CACNA1D: variants seen among roughly 807,000 people sequenced by gnomAD.
CACNA1D encodes the protein calcium voltage-gated channel subunit alpha1 D, also known as voltage-dependent L-type calcium channel subunit alpha-1D.
In CACNA1D, 55 loss-of-function variants were observed where a neutral mutation model predicts 257.1. That is an observed-to-expected ratio of 0.21 (90% CI 0.17 to 0.27). The LOEUF is 0.27. CACNA1D is among the 10% of genes least tolerant of loss of function. The pLI, the probability that CACNA1D is intolerant of heterozygous loss-of-function variation, is 1.00. For synonymous variants in CACNA1D, 980 were observed against 1,014.9 expected, an observed-to-expected ratio of 0.97 and a Z score of 0.65; for missense variants, 1,876 against 2,784.0, an observed-to-expected ratio of 0.67 and a Z score of 7.34.
intron 3 of CACNA1D, among the ~76,000 whole-genome samples, chr3:53,528,353 T>C (rs1232170377): frequency 6.6e-6 from 1 of 152,248 alleles, no homozygotes; most frequent in Non-Finnish European, 1.5e-5. Flanking sequence ...AATTTGGTTC[T>C]GTTTCTAGGG....
intron 3 of CACNA1D, among the ~76,000 whole-genome samples, chr3:53,538,251 G>A (rs1191123475): frequency 4.8e-5 from 7 of 146,614 alleles, no homozygotes; most frequent in East Asian, 2.1e-4. Context: ...CAGTTCAAGC[G>A]TTTCTCGTGC....
chr3:53,774,725 T>C lies in CACNA1D; in HGVS notation c.4202+47T>C. 9.3e-7 allele frequency: 1 copy of C among 1,074,140 alleles called. No homozygotes were observed. The highest frequency in any genetic ancestry group is 1.5e-6 in the Non-Finnish European group (1 of 686,834). The allele number at this position is 1,074,140 out of a possible 1,614,324, so 66.5% of individuals were successfully genotyped here. ...GGTGCTCCTGGGCAGGGGGGTCCGCTAGGCGTGGGTCCAGAGGGACGGAGG... is the reference window on the plus strand; with the variant it reads ...GGTGCTCCTGGGCAGGGGGGTCCGCCAGGCGTGGGTCCAGAGGGACGGAGG... On this transcript the variant is annotated intron_variant, in intron 34 of 47. Coordinates refer to ENST00000350061, the MANE Select transcript of CACNA1D (RefSeq NM_001128840.3). This position sits in a 1 kb window ranked among gnomAD's most constrained non-coding sequence, Gnocchi z 4.3.
chr3:53,506,913 T>C (rs551102659), intron 3 of CACNA1D, among the ~76,000 whole-genome samples: 1 of 152,054 alleles, frequency 6.6e-6, no homozygotes, highest in Non-Finnish European at 1.5e-5. Flanking sequence ...ACCTTTCACA[T>C]AAAAATTGAT....
chr3:53,553,032 A>C (rs3774442), intron 3 of CACNA1D, among the ~76,000 whole-genome samples: 7,651 of 152,282 alleles, frequency 0.05, 470 homozygotes, highest in African/African-American at 0.15. Context: ...TTCAAAAATT[A>C]CTCATAGATA....
chr3:53,675,273 A>C (rs1353938800), intron 8 of CACNA1D, among the ~76,000 whole-genome samples: 1 of 152,232 alleles, frequency 6.6e-6, no homozygotes, highest in African/African-American at 2.4e-5. Context: ...TTCCACCTCA[A>C]CGTGAGAAGT....
chr3:53,754,156 C>G (rs929189894), intron 29 of CACNA1D, among the ~76,000 whole-genome samples: 2 of 152,210 alleles, frequency 1.3e-5, no homozygotes, highest in Admixed American at 6.5e-5. Context: ...AGTGCTGATA[C>G]CAGCTGCAGA....
intron 3 of CACNA1D, among the ~76,000 whole-genome samples, chr3:53,526,229 G>C (rs1379992133): frequency 6.6e-6 from 1 of 152,178 alleles, no homozygotes. Context: ...CCCTCGACCT[G>C]GGGAGGAGCC....
Position 53,495,792 on chromosome 3 carries a change from C to T in CACNA1D, c.67+559C>T, listed in dbSNP as rs916687528. On this transcript the variant is annotated intron_variant, in intron 1 of 47. Transcript: ENST00000350061. The surrounding 1 kb of genome is among the most constrained non-coding windows in gnomAD (Gnocchi z 5.1). ...GGTTCGGGTGGAGCGTGCGTTCCCG[C>T]TCCCGTCGCCGGCTGTGCACACGTC... 4.6e-5 allele frequency among the ~76,000 whole-genome samples: 7 copies of T among 152,250 alleles called. No homozygotes were observed. Among genetic ancestry groups the T allele is most frequent in the Non-Finnish European group, 1.0e-4 (7 of 68,050 alleles).
At chr3:53,689,036 T>C (rs2108507827) in intron 8 of CACNA1D, among the ~76,000 whole-genome samples, 1 of 151,852 alleles carries the variant, frequency 6.6e-6, no homozygotes, top group Middle Eastern at 3.4e-3. Flanking sequence ...TCTGTCCCCC[T>C]TTGGCTATCA....
intron 3 of CACNA1D, among the ~76,000 whole-genome samples, chr3:53,563,533 CAAA>C (rs34553768): frequency 1.6e-3 from 152 of 95,520 alleles, no homozygotes; most frequent in Middle Eastern, 5.6e-3. Context: ...GACTCTGTCT[CAAA>C]AAAAAAAAAA....
At chr3:53,561,831 G>T (rs1269539820) in intron 3 of CACNA1D, among the ~76,000 whole-genome samples, 1 of 152,132 alleles carries the variant, frequency 6.6e-6, no homozygotes, top group Non-Finnish European at 1.5e-5. Context: ...ATTTCTTAAA[G>T]GCTTTGTTAT....
intron 31 of CACNA1D, 92 bp downstream of exon 31, chr3:53,770,109 A>G: frequency 1.9e-6 from 2 of 1,058,836 alleles, no homozygotes; most frequent in Non-Finnish European, 3.0e-6. Flanking sequence ...TGTATTCTCC[A>G]TGATTGTCCT....
At chr3:53,741,653 G>T (rs1218573988) in intron 21 of CACNA1D, among the ~76,000 whole-genome samples, 3 of 152,158 alleles carry the variant, frequency 2.0e-5, no homozygotes, top group Non-Finnish European at 4.4e-5. Flanking sequence ...TTGTTGATGA[G>T]GCCTCTGTGG....
chr3:53,743,768 G>A (rs2095139782), intron 22 of CACNA1D, among the ~76,000 whole-genome samples: 2 of 152,170 alleles, frequency 1.3e-5, no homozygotes, highest in African/African-American at 2.4e-5. Context: ...TGGCCTGTGA[G>A]CACTTCTGTT....
intron 9 of CACNA1D, among the ~76,000 whole-genome samples, chr3:53,714,788 T>C (rs530454068): frequency 6.6e-6 from 1 of 152,362 alleles, no homozygotes; most frequent in East Asian, 1.9e-4. Flanking sequence ...TTCTGTCCTC[T>C]GAGAAATCAA....
chr3:53,727,400 G>T (rs531276149), intron 15 of CACNA1D, among the ~76,000 whole-genome samples: 1 of 152,210 alleles, frequency 6.6e-6, no homozygotes, highest in Non-Finnish European at 1.5e-5. Flanking sequence ...AAGACCCTTC[G>T]TGACTGATGA....
intron 8 of CACNA1D, among the ~76,000 whole-genome samples, chr3:53,684,330 C>T (rs1003131914): frequency 1.3e-5 from 2 of 152,076 alleles, no homozygotes; most frequent in Non-Finnish European, 2.9e-5. Flanking sequence ...GCTTTAAAAA[C>T]GAGGAGCATG....
intron 8 of CACNA1D, among the ~76,000 whole-genome samples, chr3:53,694,697 A>G (rs894493869): frequency 6.6e-6 from 1 of 152,188 alleles, no homozygotes; most frequent in Non-Finnish European, 1.5e-5. Flanking sequence ...CAATCTAAAT[A>G]AATGAGGGGC....
intron 3 of CACNA1D, among the ~76,000 whole-genome samples, chr3:53,575,229 G>A (rs2107712064): frequency 6.6e-6 from 1 of 152,326 alleles, no homozygotes; most frequent in South Asian, 2.1e-4. Context: ...GGAAGCTGCG[G>A]GAGCTTGGAG....
Sources: allele counts gnomAD v4.1 joint callset (sites outside exome capture counted in the v4.1 genomes callset), GRCh38; gene constraint gnomAD v4.1.1; non-coding constraint Gnocchi (gnomAD v3.1); transcripts MANE v1.5; gene names NCBI Gene and HGNC (gene_info 2026-07-23, HGNC 2026-07-21).